Variants in CBLB observed in about 807,000 individuals in gnomAD.
CBLB encodes Cbl proto-oncogene B, also known as E3 ubiquitin-protein ligase CBL-B.
A neutral mutation model predicts 104.9 loss-of-function variants in CBLB; 31 were observed. The ratio of observed to expected loss-of-function variants is 0.30; its 90% CI spans 0.22 to 0.40. CBLB has a LOEUF of 0.40. Among genes scored for constraint, CBLB ranks in the 10% least tolerant of loss-of-function variants. The probability of loss-of-function intolerance (pLI) is 1.00; values close to 1 mark genes in which losing one functional copy is unlikely to be tolerated. For synonymous variants in CBLB, 440 were observed against 422.6 expected (o/e 1.04, Z -0.51); for missense variants, 1,062 against 1,214.6 (o/e 0.87, Z 1.87).
At chr3:105,733,906 AC>A in intron 9 of CBLB, 102 bp downstream of exon 9, 1 of 1,054,392 alleles carries the variant, frequency 9.5e-7, no homozygotes. Flanking sequence ...ATCATTTCAA[AC>A]AAAGCACTTA....
intron 18 of CBLB, among the ~76,000 whole-genome samples, chr3:105,661,808 T>C (rs1274214644): frequency 1.3e-5 from 2 of 152,192 alleles, no homozygotes; most frequent in African/African-American, 4.8e-5. Flanking sequence ...TATCTGTGTT[T>C]AGAGGTATTA....
intron 3 of CBLB, among the ~76,000 whole-genome samples, chr3:105,832,528 C>A (rs1176585547): frequency 2.6e-5 from 4 of 152,138 alleles, no homozygotes; most frequent in Non-Finnish European, 5.9e-5. Context: ...CATGAAAATA[C>A]AATCCACAGC....
At chr3:105,865,522 G>A (rs1160382581) in intron 2 of CBLB, among the ~76,000 whole-genome samples, 3 of 151,786 alleles carry the variant, frequency 2.0e-5, no homozygotes, top group East Asian at 3.9e-4. Flanking sequence ...CCCACAGAAG[G>A]GTTAATAAAA....
chr3:105,802,349 C>T (rs1173373583), intron 3 of CBLB, among the ~76,000 whole-genome samples: 1 of 152,184 alleles, frequency 6.6e-6, no homozygotes, highest in Non-Finnish European at 1.5e-5. Flanking sequence ...CGCTCACATG[C>T]TTATGTACAT....
chr3:105,722,254 A>T (rs557853313), intron 9 of CBLB, among the ~76,000 whole-genome samples: 1 of 151,824 alleles, frequency 6.6e-6, no homozygotes, highest in East Asian at 1.9e-4. Context: ...AGATCTGAAG[A>T]TCTGATGGTC....
At chr3:105,791,303 T>C (rs1025878942) in intron 3 of CBLB, among the ~76,000 whole-genome samples, 8 of 152,242 alleles carry the variant, frequency 5.3e-5, no homozygotes, top group African/African-American at 1.9e-4. Flanking sequence ...TATTAACCGT[T>C]TGAAACACAT....
chr3:105,768,419 C>T (rs988187459), intron 4 of CBLB, among the ~76,000 whole-genome samples: 1 of 152,106 alleles, frequency 6.6e-6, no homozygotes, highest in African/African-American at 2.4e-5. Context: ...AAGAACAGAA[C>T]ATAAGTAAAG....
chr3:105,671,097 A>C (rs1031650231), intron 17 of CBLB: 1 of 187,556 alleles, frequency 5.3e-6, no homozygotes, highest in African/African-American at 2.3e-5. Flanking sequence ...AAGGGAGAAA[A>C]AGAGATTTTG....
At chr3:105,680,582 A>C (rs1400797521) in intron 16 of CBLB, among the ~76,000 whole-genome samples, 1 of 152,208 alleles carries the variant, frequency 6.6e-6, no homozygotes, top group Non-Finnish European at 1.5e-5. Flanking sequence ...TAATTGATGT[A>C]GGTGAGAATA....
At chr3:105,666,267 A>G (rs899840747) in intron 18 of CBLB, among the ~76,000 whole-genome samples, 2 of 152,188 alleles carry the variant, frequency 1.3e-5, no homozygotes, top group African/African-American at 4.8e-5. Context: ...ATATAAATAC[A>G]CTTAATTGAT....
chr3:105,746,322 C>T (rs1441882290), intron 5 of CBLB, among the ~76,000 whole-genome samples: 3 of 152,180 alleles, frequency 2.0e-5, no homozygotes, highest in Non-Finnish European at 2.9e-5. Context: ...ATTCTCGCTA[C>T]GGCACTTGTG....
intron 4 of CBLB, among the ~76,000 whole-genome samples, chr3:105,754,666 G>A (rs930773768): frequency 2.0e-5 from 3 of 151,934 alleles, no homozygotes; most frequent in Non-Finnish European, 2.9e-5. Context: ...AGGCTGAATC[G>A]CTTTTAAAAT....
At chr3:105,668,533 C>T (rs2064723428) in intron 18 of CBLB, among the ~76,000 whole-genome samples, 1 of 152,124 alleles carries the variant, frequency 6.6e-6, no homozygotes, top group African/African-American at 2.4e-5. Flanking sequence ...AAAAAAATTG[C>T]TTCCTTATAT....
chr3:105,711,201 A>G (rs2152806347), intron 10 of CBLB, among the ~76,000 whole-genome samples: 1 of 152,152 alleles, frequency 6.6e-6, no homozygotes, highest in Middle Eastern at 3.4e-3. Context: ...TCAATTTTAT[A>G]ATACTTTTAA....
intron 3 of CBLB, among the ~76,000 whole-genome samples, chr3:105,799,550 C>T (rs558900316): frequency 3.3e-5 from 5 of 152,196 alleles, no homozygotes; most frequent in Admixed American, 1.3e-4. Flanking sequence ...TGCAACATAA[C>T]GTTTGTGCTG....
chr3:105,733,584 A>G (rs1420772128), intron 9 of CBLB, among the ~76,000 whole-genome samples: 1 of 152,172 alleles, frequency 6.6e-6, no homozygotes, highest in East Asian at 1.9e-4. Context: ...ACTACGGAGC[A>G]TATGTGAGAC....
chr3:105,835,098 A>C (rs539293285), intron 3 of CBLB, among the ~76,000 whole-genome samples: 1 of 152,304 alleles, frequency 6.6e-6, no homozygotes, highest in East Asian at 1.9e-4. Flanking sequence ...TTTTAACTGC[A>C]AAAAGGAATT....
At chr3:105,823,561 C>T (rs1474562726) in intron 3 of CBLB, among the ~76,000 whole-genome samples, 1 of 152,154 alleles carries the variant, frequency 6.6e-6, no homozygotes, top group Non-Finnish European at 1.5e-5. Flanking sequence ...TAACCTACTT[C>T]CAAATCAATC....
At chr3:105,687,711 G>A (rs547280801) in intron 13 of CBLB, among the ~76,000 whole-genome samples, 68 of 151,528 alleles carry the variant, frequency 4.5e-4, no homozygotes, top group Non-Finnish European at 7.5e-4. Flanking sequence ...TTTAATATCA[G>A]TATAATAGTC....
Sources: allele counts gnomAD v4.1 joint callset (sites outside exome capture counted in the v4.1 genomes callset), GRCh38; gene constraint gnomAD v4.1.1; transcripts MANE v1.5; gene names NCBI Gene and HGNC (gene_info 2026-07-23, HGNC 2026-07-21).